The following DPYSL2 variants were observed in gnomAD, a reference collection of about 807,000 sequenced individuals.
DPYSL2 encodes dihydropyrimidinase-related protein 2.
Under a neutral mutation model 69.9 loss-of-function variants are expected in DPYSL2, and 13 were observed. That is an observed-to-expected ratio of 0.19 (90% CI 0.12 to 0.30). The LOEUF (loss-of-function observed/expected upper bound fraction) is 0.30. Ranked by LOEUF, DPYSL2 falls within the 10% of genes least tolerant of loss-of-function variation. DPYSL2 has a pLI of 1.00. For missense variants in DPYSL2, 587 were observed against 918.9 expected (o/e 0.64, Z 4.67); for synonymous variants, 326 against 359.1 (o/e 0.91, Z 1.04).
chr8:26,627,501 G>A lies in DPYSL2; in HGVS notation c.936+206G>A, dbSNP rs1397945290. ...TCCGTGTGTGCCACAGAACATCTAA[G>A]TCAGTTACTATTGCAGAGAGAGGCC... On this transcript the variant is annotated intron_variant, in intron 6 of 13. Coordinates refer to ENST00000521913, the MANE Select transcript of DPYSL2 (RefSeq NM_001197293.3). This position sits in a 1 kb window ranked among gnomAD's most constrained non-coding sequence, Gnocchi z 6.9. Among the ~76,000 whole-genome samples the A allele has an allele frequency of 2.0e-5, 3 of 152,104 alleles. No homozygotes were observed. Among genetic ancestry groups the A allele is most frequent in the African/African-American group, 2.4e-5 (1 of 41,416 alleles).
At chr8:26,589,456 GTGAA>G (rs1259819668) in intron 3 of DPYSL2, among the ~76,000 whole-genome samples, 1 of 152,250 alleles carries the variant, frequency 6.6e-6, no homozygotes, top group African/African-American at 2.4e-5. Context: ...GAATGAGTGA[GTGAA>G]TGAATGAATG....
intron 1 of DPYSL2, among the ~76,000 whole-genome samples, chr8:26,556,156 T>TATA (rs1318751624): frequency 3.2e-4 from 1 of 3,088 alleles, no homozygotes; most frequent in Non-Finnish European, 8.5e-4. Context: ...ATATACTATA[T>TATA]ATAGTATATA....
intron 8 of DPYSL2, among the ~76,000 whole-genome samples, chr8:26,639,365 A>G (rs1802990323): frequency 6.6e-6 from 1 of 152,248 alleles, no homozygotes. Flanking sequence ...CTGGAGAACC[A>G]AGGAAGAGCT....
At position 26,626,650 on chromosome 8, in the gene DPYSL2, A is replaced by G. The variant is rs1802621177; in HGVS notation, c.827A>G (p.Lys276Arg). 8.1e-6 allele frequency: 13 copies of G among 1,614,176 alleles called. No individual in the cohort carries two copies. The East Asian group carries it at 2.9e-4, about 36-fold the overall frequency. ...VNSFLVYMAF[K>R]DRFQLTDCQI... Reference sequence around the variant, plus strand: ...TCCTTCCTCGTGTACATGGCTTTCAAAGATCGCTTCCAGCTAACGGATTGC... The same window carrying G: ...TCCTTCCTCGTGTACATGGCTTTCAGAGATCGCTTCCAGCTAACGGATTGC... The change falls in exon 5 of 14, where the codon AAA becomes AGA. Residue 276 changes from lysine (K) to arginine (R), a missense_variant. By Grantham distance (26) the Lys-to-Arg change is conservative. Around this residue, in one of 3 missense-constraint regions of DPYSL2, gnomAD observed 452 missense variants for 754.3 expected, o/e 0.60. Coordinates refer to ENST00000521913, the MANE Select transcript of DPYSL2 (RefSeq NM_001197293.3). The surrounding 1 kb of genome is among the most constrained non-coding windows in gnomAD (Gnocchi z 4.3).
chr8:26,569,383 A>AAAC (rs1801203384), intron 1 of DPYSL2, among the ~76,000 whole-genome samples: 1 of 151,088 alleles, frequency 6.6e-6, no homozygotes. Flanking sequence ...AAAACAAAAA[A>AAAC]AAACCAAAGA....
chr8:26,630,068 C>CA (rs1173833353), intron 7 of DPYSL2, among the ~76,000 whole-genome samples: 3 of 152,206 alleles, frequency 2.0e-5, no homozygotes, highest in African/African-American at 7.2e-5. Context: ...CAGGCACAGA[C>CA]ACGCACATAT....
At chr8:26,567,683 G>A (rs1409911171) in intron 1 of DPYSL2, among the ~76,000 whole-genome samples, 1 of 152,228 alleles carries the variant, frequency 6.6e-6, no homozygotes, top group Admixed American at 6.5e-5. Flanking sequence ...GTGATGGTGT[G>A]AGGGGTCCAA....
intron 1 of DPYSL2, among the ~76,000 whole-genome samples, chr8:26,579,415 G>A (rs1801435115): frequency 6.6e-6 from 1 of 152,240 alleles, no homozygotes; most frequent in South Asian, 2.1e-4. Flanking sequence ...GAAATTCATT[G>A]TTATATAAGG....
In DPYSL2 at chr8:26,530,972, C is replaced by T. The variant is rs193131656; in HGVS notation, c.354+16293C>T. On this transcript the variant is annotated intron_variant, in intron 1 of 13. Transcript: ENST00000521913. ...TACACAGGAGGCTGAGGTGCGAGGA[C>T]GGTTTGAGCCGAGGAGTTTGAGGCT... Among the ~76,000 whole-genome samples the T allele has an allele frequency of 2.5e-4, 37 of 150,710 alleles. No individual in the cohort carries two copies. The South Asian group carries it at 2.5e-3, about 10-fold the overall frequency.
chr8:26,600,734 A>T (rs1430858192), intron 3 of DPYSL2, among the ~76,000 whole-genome samples: 2 of 152,050 alleles, frequency 1.3e-5, no homozygotes, highest in Admixed American at 1.3e-4. Context: ...AGCTCTCCCC[A>T]CTGAGGACCC....
intron 1 of DPYSL2, among the ~76,000 whole-genome samples, chr8:26,551,502 C>A (rs1473827087): frequency 2.6e-5 from 4 of 152,136 alleles, no homozygotes; most frequent in Admixed American, 6.5e-5. Context: ...GACTTCAACA[C>A]CCCTCTGTCA....
chr8:26,578,513 A>C, intron 1 of DPYSL2: 1 of 1,425,182 alleles, frequency 7.0e-7, no homozygotes, highest in Non-Finnish European at 9.1e-7. Flanking sequence ...CAGGAGCGCG[A>C]GTGCACGAAG....
At chr8:26,566,185 T>C (rs994800880) in intron 1 of DPYSL2, among the ~76,000 whole-genome samples, 3 of 151,986 alleles carry the variant, frequency 2.0e-5, no homozygotes, top group African/African-American at 7.2e-5. Flanking sequence ...GCTGAGAAAG[T>C]GATGGTCTGG....
At position 26,657,956 on chromosome 8, in the gene DPYSL2, G is replaced by A. The variant is rs10495; in HGVS notation, c.*2250G>A. The stretch of plus-strand genomic sequence containing the variant: ...ACAGTGTAGGATTTAAGAATAGATG[G>A]TTTTTAATCCTGGAAATTGTGATTG... On this transcript the variant is annotated 3_prime_UTR_variant, in exon 14 of 14. Coordinates refer to ENST00000521913, the MANE Select transcript of DPYSL2 (RefSeq NM_001197293.3). 10,717 of 152,648 alleles carry A rather than the reference G, an allele frequency of 0.07. 538 individuals are homozygous for A. Among genetic ancestry groups the A allele is most frequent in the Non-Finnish European group, 0.1 (7,109 of 68,014 alleles). 9.5% of individuals were successfully genotyped at this position (152,648 alleles called of 1,614,324 possible). A position where few individuals can be genotyped will look rare whatever the true frequency, so the allele number is the denominator to read the frequency against.
Position 26,580,214 on chromosome 8 carries a change from A to T in DPYSL2, c.355-1755A>T, listed in dbSNP as rs1403530587. Among the ~76,000 whole-genome samples the T allele has an allele frequency of 1.3e-5, 2 of 152,254 alleles. No individual in the cohort carries two copies. Among genetic ancestry groups the T allele is most frequent in the Non-Finnish European group, 1.5e-5 (1 of 68,010 alleles). Reference sequence around the variant, plus strand: ...GAGGCCTCTCCTTGCCTTCCAGGTGATATTTATTCCATGGAAGCTTAGAGA... The same window carrying T: ...GAGGCCTCTCCTTGCCTTCCAGGTGTTATTTATTCCATGGAAGCTTAGAGA... On this transcript the variant is annotated intron_variant, in intron 1 of 13. Transcript: ENST00000521913. This position sits in a 1 kb window ranked among gnomAD's most constrained non-coding sequence, Gnocchi z 4.1.
At chr8:26,556,339 G>GTATATATATATAC (rs71501512) in intron 1 of DPYSL2, among the ~76,000 whole-genome samples, 1 of 5,778 alleles carries the variant, frequency 1.7e-4, no homozygotes, top group Non-Finnish European at 4.6e-4. Flanking sequence ...TATATATATA[G>GTATATATATATAC]TATATATATA....
intron 1 of DPYSL2, among the ~76,000 whole-genome samples, chr8:26,555,785 G>A (rs1185715963): frequency 6.6e-6 from 1 of 150,452 alleles, no homozygotes; most frequent in Non-Finnish European, 1.5e-5. Flanking sequence ...TACAAGGGAG[G>A]ATGAGTTGGA....
At chr8:26,534,487 G>T (rs1800559918) in intron 1 of DPYSL2, among the ~76,000 whole-genome samples, 1 of 152,118 alleles carries the variant, frequency 6.6e-6, no homozygotes, top group South Asian at 2.1e-4. Flanking sequence ...GGATTTCCAA[G>T]ATAAAATTGT....
rs1167746650 is a variant in DPYSL2, at chr8:26,598,848, C to T, written c.628+14865C>T. Among the ~76,000 whole-genome samples the T allele has an allele frequency of 6.6e-5, 10 of 152,126 alleles. No individual in the cohort carries two copies. The highest frequency in any genetic ancestry group is 6.5e-4 in the Admixed American group (10 of 15,272). ...GGCGGTGGGGGTGGGGGAATGAAAG[C>T]CCAGAAAGGGATGTGGCACTCGGGC... On this transcript the variant is annotated intron_variant, in intron 3 of 13. Transcript: ENST00000521913. The surrounding 1 kb of genome is among the most constrained non-coding windows in gnomAD (Gnocchi z 4.2).
Sources: gnomAD v4.1 joint callset for allele counts (sites outside exome capture counted in the v4.1 genomes callset) on GRCh38, gnomAD v4.1.1 for gene constraint, gnomAD v4.1.1 regional missense constraint, Gnocchi (gnomAD v3.1) non-coding constraint, MANE v1.5 for transcripts, NCBI Gene and HGNC (gene_info 2026-07-23, HGNC 2026-07-21) for gene names.